The following AFF2 variants were observed in gnomAD, a reference collection of about 807,000 sequenced individuals.
AFF2 encodes AF4/FMR2 family member 2.
In AFF2, 14 loss-of-function variants were observed where a neutral mutation model predicts 76.9. The ratio of observed to expected loss-of-function variants is 0.18; its 90% CI spans 0.12 to 0.28. AFF2 has a LOEUF of 0.28. Ranked by LOEUF, AFF2 falls within the 10% of genes least tolerant of loss-of-function variation. The pLI, the probability that AFF2 is intolerant of heterozygous loss-of-function variation, is 1.00. For missense variants in AFF2, 868 were observed against 1,001.1 expected (o/e 0.87, Z 1.79); for synonymous variants, 398 against 366.7 (o/e 1.09, Z -0.98).
intron 3 of AFF2, among the ~76,000 whole-genome samples, chrX:148,694,960 C>T (rs1343229798): frequency 1.8e-5 from 2 of 108,305 alleles, no homozygotes; most frequent in Non-Finnish European, 3.8e-5. Flanking sequence ...GGATTACAGG[C>T]GCCCGCCACC....
chrX:148,871,429 A>G (rs980457066), intron 7 of AFF2, among the ~76,000 whole-genome samples: 1 of 111,477 alleles, frequency 9.0e-6, no homozygotes, highest in Non-Finnish European at 1.9e-5. Flanking sequence ...GCAAGAATGG[A>G]CACATTTTTC....
intron 8 of AFF2, among the ~76,000 whole-genome samples, chrX:148,902,110 G>A (rs1452117606): frequency 1.8e-5 from 2 of 112,147 alleles, no homozygotes; most frequent in South Asian, 3.7e-4. Flanking sequence ...ACATGATCAC[G>A]TTCCTCCTGA....
At chrX:148,930,947 G>A (rs1408667234) in intron 9 of AFF2, among the ~76,000 whole-genome samples, 2 of 112,003 alleles carry the variant, frequency 1.8e-5, no homozygotes, top group Non-Finnish European at 3.8e-5. Flanking sequence ...GTTGTGCTAA[G>A]TGGACATTTA....
intron 7 of AFF2, among the ~76,000 whole-genome samples, chrX:148,866,633 G>T (rs2070910540): frequency 8.9e-6 from 1 of 112,593 alleles, no homozygotes. Flanking sequence ...TCTAAAATGA[G>T]TAGCATGCTG....
At chrX:148,582,034 C>T (rs1557245191) in intron 1 of AFF2, among the ~76,000 whole-genome samples, 2 of 111,652 alleles carry the variant, frequency 1.8e-5, no homozygotes, top group African/African-American at 3.3e-5. Context: ...TTTGAAAATA[C>T]AGGGCAGTTA....
At chrX:148,773,711 A>G (rs1166008048) in intron 3 of AFF2, among the ~76,000 whole-genome samples, 2 of 99,139 alleles carry the variant, frequency 2.0e-5, no homozygotes, top group African/African-American at 4.2e-5. Context: ...AGAAAGAAAG[A>G]AAGAAAGAAA....
intron 3 of AFF2, among the ~76,000 whole-genome samples, chrX:148,686,321 G>A (rs1186477391): frequency 9.0e-6 from 1 of 111,715 alleles, no homozygotes; most frequent in African/African-American, 3.3e-5. Context: ...AGAGAGAGAT[G>A]CCGTAATTGA....
chrX:148,888,710 G>T (rs1024349559), intron 8 of AFF2, among the ~76,000 whole-genome samples: 5 of 111,538 alleles, frequency 4.5e-5, no homozygotes, highest in African/African-American at 1.6e-4. Context: ...ACCATTTTTG[G>T]AACCACTCTT....
intron 1 of AFF2, among the ~76,000 whole-genome samples, chrX:148,648,681 T>C (rs1435056130): frequency 9.0e-6 from 1 of 110,991 alleles, no homozygotes; most frequent in African/African-American, 3.3e-5. Context: ...CTTGTTCTTC[T>C]TTCTGACCTT....
At position 148,711,193 on chromosome X, in the gene AFF2, T is replaced by G. The variant is rs188431112; in HGVS notation, c.1041+48425T>G. 3.5e-4 allele frequency among the ~76,000 whole-genome samples: 39 copies of G among 111,856 alleles called. 1 individual carries two copies. Among genetic ancestry groups the G allele is most frequent in the African/African-American group, 1.3e-3 (39 of 30,885 alleles). On this transcript the variant is annotated intron_variant, in intron 3 of 20. Coordinates refer to ENST00000370460, the MANE Select transcript of AFF2 (RefSeq NM_002025.4). Reference sequence around the variant, plus strand: ...ATATCATAGTTAAAAATTTTTCTAATGGAGAACAAAGGCTAGAATCCAATT... The same window carrying G: ...ATATCATAGTTAAAAATTTTTCTAAGGGAGAACAAAGGCTAGAATCCAATT...
chrX:148,665,938 G>A (rs1156768101), intron 3 of AFF2, among the ~76,000 whole-genome samples: 1 of 111,896 alleles, frequency 8.9e-6, no homozygotes, highest in Non-Finnish European at 1.9e-5. Flanking sequence ...GTGACAGGAG[G>A]TTGATGAGTG....
At chrX:148,566,428 TTA>T (rs199797949) in intron 1 of AFF2, among the ~76,000 whole-genome samples, 28,926 of 109,061 alleles carry the variant, frequency 0.27, 2,992 homozygotes, top group Non-Finnish European at 0.3. Flanking sequence ...ATTTGTTTTA[TTA>T]TATATATATA....
chrX:148,806,699 C>T (rs782543287), intron 3 of AFF2, among the ~76,000 whole-genome samples: 3 of 111,558 alleles, frequency 2.7e-5, no homozygotes, highest in South Asian at 7.6e-4. Context: ...CGAATGAATG[C>T]GATCCTATTA....
chrX:148,749,147 C>T (rs2055464338), intron 3 of AFF2, among the ~76,000 whole-genome samples: 1 of 111,978 alleles, frequency 8.9e-6, no homozygotes, highest in Non-Finnish European at 1.9e-5. Flanking sequence ...TTCTCTGTTG[C>T]CCTAAACAGA....
At position 148,905,463 on chromosome X, in the gene AFF2, A is replaced by G. The variant is rs1401456692; in HGVS notation, c.1397+1205A>G. Among the ~76,000 whole-genome samples, 5 of 112,298 alleles carry G rather than the reference A, an allele frequency of 4.5e-5. No homozygotes were observed. The Admixed American group carries it at 4.7e-4, about 11-fold the overall frequency. On this transcript the variant is annotated intron_variant, in intron 9 of 20. Coordinates refer to ENST00000370460, the MANE Select transcript of AFF2 (RefSeq NM_002025.4). ...ATTTCTTTTCCGTCTGAATGCCCTA[A>G]AGGCTCCTCCACTGTGAGCCTGTGG...
At chrX:148,546,819 T>C (rs1416574743) in intron 1 of AFF2, 1 of 112,050 alleles carries the variant, frequency 8.9e-6, no homozygotes. Context: ...AGTGTTTTTG[T>C]AGTATTGGGT....
At chrX:148,873,289 C>T (rs2070999928) in intron 7 of AFF2, among the ~76,000 whole-genome samples, 2 of 110,391 alleles carry the variant, frequency 1.8e-5, no homozygotes, top group Admixed American at 1.9e-4. Flanking sequence ...CCTCTCGTGT[C>T]ATGGTTTGGA....
intron 3 of AFF2, among the ~76,000 whole-genome samples, chrX:148,690,330 C>T (rs1170551215): frequency 8.9e-6 from 1 of 112,235 alleles, no homozygotes; most frequent in South Asian, 3.7e-4. Context: ...TTTTGTTTTC[C>T]AGTTAACTAG....
chrX:148,837,700 C>G lies in AFF2; in HGVS notation c.1140C>G (p.His380Gln), dbSNP rs1240702453. ...TCACTTCCATGCATACTGCTGGACA[C>G]TCTGAGCAGAGCACCTTTTCCATCC... The part of the protein sequence containing the change: ...TPLTSMHTAG[H>Q]SEQSTFSIPG... The change falls in exon 5 of 21, where the codon CAC becomes CAG. Residue 380 changes from histidine (H) to glutamine (Q), a missense_variant. His to Gln is a conservative substitution (Grantham distance 24). Around this residue, in one of 6 missense-constraint regions of AFF2, gnomAD observed 532 missense variants for 564.2 expected, o/e 0.94. Transcript: ENST00000370460. The G allele has an allele frequency of 3.3e-6, 4 of 1,199,169 alleles. No individual in the cohort carries two copies. In the Admixed American group the frequency reaches 6.6e-5, roughly 20 times the overall value.
Sources: allele counts gnomAD v4.1 joint callset (sites outside exome capture counted in the v4.1 genomes callset), GRCh38; gene constraint gnomAD v4.1.1; regional missense constraint gnomAD v4.1.1; transcripts MANE v1.5; gene names NCBI Gene and HGNC (gene_info 2026-07-23, HGNC 2026-07-21).